Variants in USH2A observed in about 807,000 individuals in gnomAD.
The protein encoded by USH2A is Usher syndrome 2A (autosomal recessive, mild).
In USH2A, 443 loss-of-function variants were observed where a neutral mutation model predicts 538.9. That is an observed-to-expected ratio of 0.82 (90% CI 0.76 to 0.89). The LOEUF is 0.89. Ranked by LOEUF, USH2A falls within the 40% of genes least tolerant of loss-of-function variation. The probability of loss-of-function intolerance (pLI) is 0.00; values close to 1 mark genes in which losing one functional copy is unlikely to be tolerated. For synonymous variants in USH2A, 2,413 were observed against 2,273.5 expected (o/e 1.06, Z -1.75); for missense variants, 6,633 against 6,324.8 (o/e 1.05, Z -1.65).
intron 67 of USH2A, among the ~76,000 whole-genome samples, chr1:215,643,559 T>C (rs956094580): frequency 6.6e-6 from 1 of 151,642 alleles, no homozygotes. Context: ...CAAGTCTTGC[T>C]CTGTTGCCAA....
chr1:215,900,738 C>T lies in USH2A; in HGVS notation c.7451+17G>A, dbSNP rs755943576. The stretch of plus-strand genomic sequence containing the variant: ...TGTATAACCCAGCTGATAGAATGGA[C>T]AAAGTAGAATGCTCACTCTAGAAAT... On this transcript the variant is annotated intron_variant, in intron 39 of 71. Coordinates refer to ENST00000307340, the MANE Select transcript of USH2A (RefSeq NM_206933.4). 2.5e-6 allele frequency: 4 copies of T among 1,613,396 alleles called. No homozygotes were observed. Among genetic ancestry groups the T allele is most frequent in the Non-Finnish European group, 3.4e-6 (4 of 1,179,638 alleles).
At chr1:215,773,261 C>T (rs569766697) in intron 55 of USH2A, among the ~76,000 whole-genome samples, 66 of 152,194 alleles carry the variant, frequency 4.3e-4, no homozygotes, top group African/African-American at 1.5e-3. Context: ...TCCTTGTCAG[C>T]CACTTGTACT....
chr1:216,231,986 T>C lies in USH2A; in HGVS notation c.2960A>G (p.Asp987Gly). The C allele has an allele frequency of 6.2e-7, 1 of 1,614,062 alleles. No homozygotes were observed. Among genetic ancestry groups the C allele is most frequent in the Non-Finnish European group, 8.5e-7 (1 of 1,179,912 alleles). The change falls in exon 14 of 72, where the codon GAC (aspartate) becomes GGC (glycine). Residue 987 changes from aspartate to glycine, a missense_variant. Asp to Gly is a moderately conservative substitution (Grantham distance 94). Coordinates refer to ENST00000307340, the MANE Select transcript of USH2A (RefSeq NM_206933.4). Reference sequence around the variant, plus strand: ...CTGAGGATCAAATCCAAAGTAATGGTCTTTGCATTGGTCACAACGTTGCCC... The same window carrying C: ...CTGAGGATCAAATCCAAAGTAATGGCCTTTGCATTGGTCACAACGTTGCCC... ...IAGQRCDQCKDHYFGFDPQTG... is the reference protein window; with the variant it reads ...IAGQRCDQCKGHYFGFDPQTG...
intron 52 of USH2A, 74 bp from the exon 53 acceptor site, chr1:215,783,009 C>G (rs2102763784): frequency 7.0e-7 from 1 of 1,423,182 alleles, no homozygotes. Context: ...AAGTGAATAT[C>G]AAAAACTTTA....
At chr1:215,779,528 G>C (rs1164198791) in intron 55 of USH2A, among the ~76,000 whole-genome samples, 1 of 151,992 alleles carries the variant, frequency 6.6e-6, no homozygotes, top group Non-Finnish European at 1.5e-5. Context: ...TTAACTATGA[G>C]TATATCCTTG....
chr1:216,173,969 AAGCAGAAGTTG>A (rs2034322917), intron 21 of USH2A: 7 of 985,076 alleles, frequency 7.1e-6, no homozygotes, highest in Non-Finnish European at 8.4e-6. Flanking sequence ...TAAGAATATA[AAGCAGAAGTTG>A]AGCATTTTTA....
At chr1:215,937,555 T>A (rs897552592) in intron 37 of USH2A, among the ~76,000 whole-genome samples, 2 of 152,086 alleles carry the variant, frequency 1.3e-5, no homozygotes, top group Admixed American at 1.3e-4. Flanking sequence ...AACCATTGCC[T>A]AAGAACAATT....
At chr1:215,994,901 C>G (rs1265609700) in intron 34 of USH2A, among the ~76,000 whole-genome samples, 1 of 151,940 alleles carries the variant, frequency 6.6e-6, no homozygotes, top group Non-Finnish European at 1.5e-5. Context: ...GCTGAGTTAT[C>G]AAAGGAAAAA....
chr1:216,418,418 T>C (rs1278885331), intron 3 of USH2A, 96 bp downstream of exon 3: 8 of 1,387,756 alleles, frequency 5.8e-6, no homozygotes, highest in Non-Finnish European at 8.1e-6. Context: ...TAAAAGATAC[T>C]GCTGCAGATT....
chr1:215,924,588 T>C (rs1260991101), intron 38 of USH2A, among the ~76,000 whole-genome samples: 2 of 142,530 alleles, frequency 1.4e-5, no homozygotes, highest in African/African-American at 5.3e-5. Context: ...TAGACTGCAG[T>C]GTCAGTCAGA....
At position 216,199,730 on chromosome 1, in the gene USH2A, C is replaced by A; in HGVS notation, c.3708G>T (p.Val1236=). Residue 1236 remains valine, a synonymous_variant, in exon 17 of 72, where the codon GTG becomes GTT. Transcript: ENST00000307340. ...TTTGGGGAGGGGCCTGGGCTGTGGTCACTGTAATGGGCAAGCTGTGTAAAC... is the reference window on the plus strand; with the variant it reads ...TTTGGGGAGGGGCCTGGGCTGTGGTAACTGTAATGGGCAAGCTGTGTAAAC... ...GGCLHSLPIT[V]TTAQAPPQRL... 1 of 1,614,044 alleles carries A rather than the reference C, an allele frequency of 6.2e-7. No homozygotes were observed. Among genetic ancestry groups the A allele is most frequent in the South Asian group, 1.1e-5 (1 of 91,066 alleles).
intron 32 of USH2A, among the ~76,000 whole-genome samples, chr1:216,006,837 A>G (rs7543477): frequency 0.9 from 136,842 of 152,210 alleles, 61,687 homozygotes; most frequent in African/African-American, 0.97. Flanking sequence ...AACCTATTTT[A>G]TTTCTTCCGT....
intron 37 of USH2A, among the ~76,000 whole-genome samples, chr1:215,964,452 T>A (rs529307565): frequency 6.6e-6 from 1 of 152,202 alleles, no homozygotes; most frequent in Non-Finnish European, 1.5e-5. Context: ...CACCTGTTTT[T>A]ACACTTGGAG....
chr1:215,829,078 C>T (rs563842483), intron 47 of USH2A, among the ~76,000 whole-genome samples: 25 of 151,876 alleles, frequency 1.6e-4, no homozygotes, highest in Non-Finnish European at 3.2e-4. Flanking sequence ...TAGGCCATGG[C>T]CAGACATGTC....
At chr1:216,314,895 G>A (rs1317205573) in intron 9 of USH2A, among the ~76,000 whole-genome samples, 2 of 152,140 alleles carry the variant, frequency 1.3e-5, no homozygotes, top group East Asian at 1.9e-4. Context: ...ACAAAATGAC[G>A]AAAGAATAGC....
chr1:215,941,796 G>A (rs945848651), intron 37 of USH2A, among the ~76,000 whole-genome samples: 8 of 152,232 alleles, frequency 5.3e-5, no homozygotes, highest in African/African-American at 1.9e-4. Context: ...ATATACTTGA[G>A]ATGGTTCCTC....
intron 3 of USH2A, among the ~76,000 whole-genome samples, chr1:216,368,793 T>C (rs1463766972): frequency 6.6e-6 from 1 of 152,216 alleles, no homozygotes; most frequent in East Asian, 1.9e-4. Context: ...AATTTGTTAA[T>C]ATATGTGGTG....
At chr1:215,934,481 TA>T in intron 38 of USH2A, 134 bp downstream of exon 38, 1 of 932,318 alleles carries the variant, frequency 1.1e-6, no homozygotes, top group East Asian at 2.7e-5. Flanking sequence ...CAACAACTAT[TA>T]AAAGAACCAG....
Position 216,070,278 on chromosome 1 carries a change from G to A in USH2A, c.5872C>T (p.Pro1958Ser), listed in dbSNP as rs1370200138. 2.5e-6 allele frequency: 4 copies of A among 1,613,914 alleles called. No individual in the cohort carries two copies. Among genetic ancestry groups the A allele is most frequent in the Non-Finnish European group, 8.5e-7 (1 of 1,179,866 alleles). ...AAGCTGCGGACTCTTGAGGGAGTTG[G>A]CACACTTTGTGGAGCTGTGAAGGAA... ...RTTGAAPQSV[P>S]TPSRVRSLNG... Residue 1958 changes from proline to serine, a missense_variant, in exon 30 of 72, where the codon CCA becomes TCA. Pro to Ser is a moderately conservative substitution (Grantham distance 74, BLOSUM62 -1). Coordinates refer to ENST00000307340, the MANE Select transcript of USH2A (RefSeq NM_206933.4).
Sources: gnomAD v4.1 joint callset for allele counts (sites outside exome capture counted in the v4.1 genomes callset) on GRCh38, gnomAD v4.1.1 for gene constraint, MANE v1.5 for transcripts, NCBI Gene and HGNC (gene_info 2026-07-23, HGNC 2026-07-21) for gene names.